PUDP: variants seen among roughly 807,000 people sequenced by gnomAD.
PUDP encodes the protein pseudouridine 5'-phosphatase.
A neutral mutation model predicts 9.4 loss-of-function variants in PUDP; 8 were observed. The observed-to-expected ratio is 0.85, with a 90% CI of 0.50 to 1.53. PUDP has a LOEUF of 1.53. PUDP is among the 40% of genes most tolerant of loss of function. The probability of loss-of-function intolerance (pLI) is 0.00; values close to 1 mark genes in which losing one functional copy is unlikely to be tolerated. For synonymous variants in PUDP, 99 were observed against 80.7 expected, an observed-to-expected ratio of 1.23 and a Z score of -1.22; for missense variants, 188 against 189.7, an observed-to-expected ratio of 0.99 and a Z score of 0.05.
chrX:6,954,839 C>T (rs1351267933), intron 3 of PUDP, among the ~76,000 whole-genome samples: 1 of 112,103 alleles, frequency 8.9e-6, no homozygotes, highest in African/African-American at 3.2e-5. Flanking sequence ...TATGTCCAAC[C>T]TGGAAAGGCC....
At chrX:7,027,567 A>G (rs752418636) in intron 1 of PUDP, among the ~76,000 whole-genome samples, 26 of 102,973 alleles carry the variant, frequency 2.5e-4, no homozygotes, top group Admixed American at 2.3e-3. Flanking sequence ...GAGAATATAT[A>G]TGAGATATAT....
chrX:6,751,973 C>T (rs1925096400), intron 3 of PUDP, among the ~76,000 whole-genome samples: 1 of 110,629 alleles, frequency 9.0e-6, no homozygotes, highest in East Asian at 2.9e-4. Context: ...ATCAGGAGTC[C>T]CGGTGGGATA....
chrX:6,854,484 T>G (rs943579359), intron 3 of PUDP, among the ~76,000 whole-genome samples: 1 of 111,971 alleles, frequency 8.9e-6, no homozygotes, highest in African/African-American at 3.2e-5. Context: ...CCCTTGAACA[T>G]TGCAGAGGTT....
chrX:6,926,333 T>G (rs1569124645), intron 3 of PUDP, among the ~76,000 whole-genome samples: 1 of 111,455 alleles, frequency 9.0e-6, no homozygotes, highest in East Asian at 2.8e-4. Context: ...CAGACAGGAG[T>G]GTACTGTGGA....
intron 3 of PUDP, among the ~76,000 whole-genome samples, chrX:6,897,699 A>G (rs1005566344): frequency 1.8e-5 from 2 of 111,505 alleles, no homozygotes; most frequent in African/African-American, 6.5e-5. Flanking sequence ...TCCAAGATCA[A>G]AGTGCCCGCA....
At chrX:7,091,680 G>A (rs1931427444) in intron 2 of PUDP, among the ~76,000 whole-genome samples, 1 of 111,250 alleles carries the variant, frequency 9.0e-6, no homozygotes, top group African/African-American at 3.3e-5. Context: ...CTTAAGATCT[G>A]GAGAACCTGA....
chrX:6,963,373 G>C (rs1318064793), intron 3 of PUDP, among the ~76,000 whole-genome samples: 2 of 111,349 alleles, frequency 1.8e-5, no homozygotes, highest in African/African-American at 6.5e-5. Context: ...GCCTGGCTCT[G>C]ACATGACTGA....
intron 1 of PUDP, among the ~76,000 whole-genome samples, chrX:6,986,056 G>T (rs1456391112): frequency 9.0e-6 from 1 of 111,222 alleles, no homozygotes; most frequent in Non-Finnish European, 1.9e-5. Flanking sequence ...CGCCATGACA[G>T]TTTATAAATG....
At chrX:7,114,689 G>C (rs1485572831) in intron 1 of PUDP, among the ~76,000 whole-genome samples, 1 of 111,969 alleles carries the variant, frequency 8.9e-6, no homozygotes, top group East Asian at 2.8e-4. Context: ...TTGAATGTGT[G>C]CTCAAGTGGA....
At chrX:6,741,435 C>T (rs766084538) in intron 3 of PUDP, among the ~76,000 whole-genome samples, 1 of 111,413 alleles carries the variant, frequency 9.0e-6, no homozygotes, top group Non-Finnish European at 1.9e-5. Flanking sequence ...ACTGATGTGT[C>T]TGTATATGCA....
At chrX:7,008,801 T>C (rs1929438112) in intron 1 of PUDP, among the ~76,000 whole-genome samples, 1 of 112,660 alleles carries the variant, frequency 8.9e-6, no homozygotes, top group Admixed American at 9.4e-5. Flanking sequence ...ATTGTGGTCA[T>C]GAAACATTGA....
chrX:6,972,713 T>C (rs752857092), intron 3 of PUDP, among the ~76,000 whole-genome samples: 59 of 112,224 alleles, frequency 5.3e-4, no homozygotes, highest in Admixed American at 4.7e-3. Context: ...AGGATGATGC[T>C]GGCCTCATAA....
intron 3 of PUDP, among the ~76,000 whole-genome samples, chrX:6,945,578 T>C (rs778967980): frequency 1.8e-5 from 2 of 110,945 alleles, no homozygotes; most frequent in African/African-American, 6.5e-5. Flanking sequence ...CAAAGAAATG[T>C]TTATTAAAAA....
At chrX:7,057,883 G>C in intron 3 of PUDP, 2 of 878,029 alleles carry the variant, frequency 2.3e-6, no homozygotes, top group Non-Finnish European at 3.2e-6. Context: ...AGCTAGGTTA[G>C]GTTTTCAAGA....
exon 2 of PUDP, among the ~76,000 whole-genome samples, chrX:6,978,289 G>T (rs779043788): frequency 9.0e-6 from 1 of 111,381 alleles, no homozygotes; most frequent in Non-Finnish European, 1.9e-5. Context: ...TGGAATCCAT[G>T]ATGGTTTTTG....
chrX:7,002,074 C>CATT (rs1569137938), intron 1 of PUDP, among the ~76,000 whole-genome samples: 9 of 111,113 alleles, frequency 8.1e-5, no homozygotes, highest in African/African-American at 2.6e-4. Flanking sequence ...ATGGCTCAGT[C>CATT]TCTAGACTAC....
At chrX:6,816,576 TATA>T (rs1926239825) in intron 3 of PUDP, among the ~76,000 whole-genome samples, 1 of 101,632 alleles carries the variant, frequency 9.8e-6, no homozygotes, top group South Asian at 4.1e-4. Context: ...ACATATATAG[TATA>T]ATATACGTAC....
At chrX:7,117,108 C>G (rs1171512643) in intron 1 of PUDP, 1 of 1,135,622 alleles carries the variant, frequency 8.8e-7, no homozygotes, top group African/African-American at 1.8e-5. Context: ...TAAGGCAATG[C>G]AAGCACGGCC....
chrX:7,128,573 G>A (rs976650313), intron 1 of PUDP, among the ~76,000 whole-genome samples: 8 of 111,019 alleles, frequency 7.2e-5, no homozygotes, highest in African/African-American at 2.0e-4. Flanking sequence ...TGGCACGGGC[G>A]GCAGTCGCTG....
Sources: gnomAD v4.1 joint callset for allele counts (sites outside exome capture counted in the v4.1 genomes callset) on GRCh38, gnomAD v4.1.1 for gene constraint, MANE v1.5 for transcripts, NCBI Gene and HGNC (gene_info 2026-07-23, HGNC 2026-07-21) for gene names.